Variants in HECTD4 observed in about 807,000 individuals in gnomAD.
The protein encoded by HECTD4 is probable E3 ubiquitin-protein ligase HECTD4.
In HECTD4, 114 loss-of-function variants were observed where a neutral mutation model predicts 471.5. The ratio of observed to expected loss-of-function variants is 0.24; its 90% confidence interval spans 0.21 to 0.28. The LOEUF (loss-of-function observed/expected upper bound fraction) is 0.28. HECTD4 is among the 10% of genes least tolerant of loss of function. The probability of loss-of-function intolerance (pLI) is 1.00; values close to 1 mark genes in which losing one functional copy is unlikely to be tolerated. For synonymous variants in HECTD4, 2,012 were observed against 2,256.0 expected, an observed-to-expected ratio of 0.89 and a Z score of 3.07; for missense variants, 3,866 against 5,651.5, an observed-to-expected ratio of 0.68 and a Z score of 10.13.
chr12:112,259,118 G>T lies in HECTD4; in HGVS notation c.3021C>A (p.Thr1007=), dbSNP rs761398649. Residue 1007 remains threonine (T), a synonymous_variant, in exon 19 of 76, where the codon ACC becomes ACA. Coordinates refer to ENST00000682272, the MANE Select transcript of HECTD4 (RefSeq NM_001388303.1). ...MPQLVQLVLY[T]SQTALLLKTQ... ...GGCACACCAAGGATCATACCTGGCT[G>T]GTATAGAGTACCAGCTGCACTAGCT... 6.2e-7 allele frequency: 1 copy of T among 1,610,526 alleles called. No individual in the cohort carries two copies. Among genetic ancestry groups the T allele is most frequent in the Admixed American group, 1.7e-5 (1 of 58,756 alleles).
At chr12:112,357,510 G>C (rs560257430) in intron 1 of HECTD4, among the ~76,000 whole-genome samples, 1 of 152,262 alleles carries the variant, frequency 6.6e-6, no homozygotes, top group Non-Finnish European at 1.5e-5. Context: ...GAAGGATAGA[G>C]AAAACAAACA....
chr12:112,220,305 A>G (rs1435330157), intron 44 of HECTD4, among the ~76,000 whole-genome samples: 1 of 152,126 alleles, frequency 6.6e-6, no homozygotes, highest in Admixed American at 6.6e-5. Context: ...AAGATATATG[A>G]GCCAAAGCCC....
At chr12:112,337,401 T>C (rs905345218) in intron 1 of HECTD4, among the ~76,000 whole-genome samples, 1 of 152,158 alleles carries the variant, frequency 6.6e-6, no homozygotes, top group Non-Finnish European at 1.5e-5. Flanking sequence ...TACTATCTAA[T>C]TGAGCAGAAA....
intron 1 of HECTD4, among the ~76,000 whole-genome samples, chr12:112,374,321 C>T (rs1301053338): frequency 1.3e-5 from 2 of 152,054 alleles, no homozygotes; most frequent in Non-Finnish European, 2.9e-5. Context: ...GAGAACCTGT[C>T]TCTAGAAAAA....
intron 1 of HECTD4, among the ~76,000 whole-genome samples, chr12:112,363,100 TAATC>T (rs772442213): frequency 6.6e-6 from 1 of 152,188 alleles, no homozygotes; most frequent in African/African-American, 2.4e-5. Flanking sequence ...AAATAAATTA[TAATC>T]AATAGTTTTA....
At chr12:112,335,157 CACACACACAG>C (rs1270732772) in intron 1 of HECTD4, among the ~76,000 whole-genome samples, 2 of 151,988 alleles carry the variant, frequency 1.3e-5, no homozygotes, top group African/African-American at 2.4e-5. Context: ...CACACACACA[CACACACACAG>C]ACACACACAC....
rs772139938 is a variant in HECTD4 at position 112,166,045 on chromosome 12, G to A, written c.12534+1272C>T. 1.3e-5 allele frequency: 2 copies of A among 152,378 alleles called. No individual in the cohort carries two copies. Among genetic ancestry groups the A allele is most frequent in the East Asian group, 1.9e-4 (1 of 5,198 alleles). The allele number at this position is 152,378 out of a possible 1,614,324, so 9.4% of individuals were successfully genotyped here. The stretch of plus-strand genomic sequence containing the variant: ...GTGGTTCTGCATCCCATACCCTCTG[G>A]GGCCTTGGCCATCCCTGTAGCCAGA... On this transcript the variant is annotated intron_variant, in intron 72 of 75. Coordinates refer to ENST00000682272, the MANE Select transcript of HECTD4 (RefSeq NM_001388303.1). This position sits in a 1 kb window ranked among gnomAD's most constrained non-coding sequence, Gnocchi z 4.6.
chr12:112,361,404 G>C (rs2036447007), intron 1 of HECTD4, among the ~76,000 whole-genome samples: 1 of 151,762 alleles, frequency 6.6e-6, no homozygotes, highest in South Asian at 2.1e-4. Context: ...CAAGTAGCTG[G>C]GACTACAGGT....
At chr12:112,209,798 C>G (rs1455926844) in intron 50 of HECTD4, among the ~76,000 whole-genome samples, 1 of 152,230 alleles carries the variant, frequency 6.6e-6, no homozygotes, top group Non-Finnish European at 1.5e-5. Flanking sequence ...TAAGGCATAG[C>G]AGGCTTCCTG....
Position 112,184,524 on chromosome 12 carries a change from A to C in HECTD4, c.10442T>G (p.Met3481Arg), listed in dbSNP as rs756199403. ...VSTSSSLTPA[M>R]SISASASTSQ... ...GGTGGAGGCGGAGGCGCTGATGCTC[A>C]TGGCGGGGGTCAGGCTGCTGGACGT... The change falls in exon 61 of 76, where the codon ATG becomes AGG. Residue 3481 changes from methionine (M) to arginine (R), a missense_variant. Coordinates refer to ENST00000682272, the MANE Select transcript of HECTD4 (RefSeq NM_001388303.1). The surrounding 1 kb of genome is among the most constrained non-coding windows in gnomAD (Gnocchi z 9.1). 6 of 1,607,946 alleles carry C rather than the reference A, an allele frequency of 3.7e-6. No homozygotes were observed. The highest frequency in any genetic ancestry group is 5.1e-6 in the Non-Finnish European group (6 of 1,177,596).
At chr12:112,204,046 TTTTG>T (rs2032505278) in intron 53 of HECTD4, among the ~76,000 whole-genome samples, 1 of 152,114 alleles carries the variant, frequency 6.6e-6, no homozygotes, top group Admixed American at 6.5e-5. Context: ...GCAAAGAATT[TTTTG>T]TTTGTTTTTT....
At chr12:112,338,549 G>A (rs1566117019) in intron 1 of HECTD4, among the ~76,000 whole-genome samples, 1 of 152,100 alleles carries the variant, frequency 6.6e-6, no homozygotes, top group Admixed American at 6.6e-5. Flanking sequence ...GAACCCAGGA[G>A]GCGCAGGTTG....
intron 9 of HECTD4, among the ~76,000 whole-genome samples, chr12:112,276,702 C>G (rs1350253608): frequency 6.6e-6 from 1 of 152,208 alleles, no homozygotes; most frequent in Non-Finnish European, 1.5e-5. Flanking sequence ...GCCACAGCCT[C>G]CCAAGTGCTG....
In HECTD4 at chr12:112,212,312, G is replaced by A. The variant is rs150080063; in HGVS notation, c.7629+175C>T. ...ATAGCATTGTTCAAGCTAAGACTGT[G>A]GGGTCAACACAAAGGAAGACACACA... On this transcript the variant is annotated intron_variant, in intron 49 of 75. Transcript: ENST00000682272. 1.8e-3 allele frequency among the ~76,000 whole-genome samples: 269 copies of A among 152,322 alleles called. 1 individual carries two copies. The highest frequency in any genetic ancestry group is 4.1e-3 in the African/African-American group (170 of 41,568).
intron 7 of HECTD4, chr12:112,302,175 G>A: frequency 1.8e-6 from 2 of 1,110,750 alleles, no homozygotes; most frequent in Non-Finnish European, 2.7e-6. Flanking sequence ...AAGACAACCA[G>A]CTCGATGGAA....
intron 1 of HECTD4, among the ~76,000 whole-genome samples, chr12:112,363,384 T>TG (rs2036494725): frequency 6.6e-6 from 1 of 152,032 alleles, no homozygotes; most frequent in South Asian, 2.1e-4. Flanking sequence ...ATTACAGGCA[T>TG]GAGCCACCTT....
intron 8 of HECTD4, among the ~76,000 whole-genome samples, chr12:112,282,174 G>A (rs2034658633): frequency 6.6e-6 from 1 of 152,116 alleles, no homozygotes; most frequent in Non-Finnish European, 1.5e-5. Flanking sequence ...ACGAGGTCAG[G>A]AGATCGAGAC....
intron 1 of HECTD4, among the ~76,000 whole-genome samples, chr12:112,370,973 C>T (rs895962864): frequency 5.9e-5 from 9 of 152,150 alleles, no homozygotes; most frequent in Non-Finnish European, 1.2e-4. Flanking sequence ...CACCCCACAA[C>T]CACTGTTGTA....
In HECTD4 at chr12:112,192,781, G is replaced by A. The variant is rs1473191024; in HGVS notation, c.9087-16C>T. 1 of 1,557,532 alleles carries A rather than the reference G, an allele frequency of 6.4e-7. No homozygotes were observed. Among genetic ancestry groups the A allele is most frequent in the Non-Finnish European group, 8.7e-7 (1 of 1,148,730 alleles). ...CAGAGAGGAGCTGAGAAGGAGGGAT[G>A]GGTGGGTGTTAATACAGGGTCTAGC... On this transcript the variant is annotated splice_polypyrimidine_tract_variant and intron_variant, in intron 58 of 75. Coordinates refer to ENST00000682272, the MANE Select transcript of HECTD4 (RefSeq NM_001388303.1).
Sources: gnomAD v4.1 joint callset for allele counts (sites outside exome capture counted in the v4.1 genomes callset) on GRCh38, gnomAD v4.1.1 for gene constraint, Gnocchi (gnomAD v3.1) non-coding constraint, MANE v1.5 for transcripts, NCBI Gene and HGNC (gene_info 2026-07-23, HGNC 2026-07-21) for gene names.